Variants in MCPH1 observed in about 807,000 individuals in gnomAD.
MCPH1 encodes microcephalin.
MCPH1 carries 104 observed loss-of-function variants against 84.5 expected under a neutral mutation model. The ratio of observed to expected loss-of-function variants is 1.23; its 90% confidence interval spans 1.05 to 1.45. The LOEUF (loss-of-function observed/expected upper bound fraction) is 1.45, where lower values mean the gene tolerates loss of function less well. Ranked by LOEUF, MCPH1 falls within the 40% of genes most tolerant of loss-of-function variation. MCPH1 has a pLI of 0.00. For missense variants in MCPH1, 1,498 were observed against 1,005.7 expected, an observed-to-expected ratio of 1.49 and a Z score of -6.62; for synonymous variants, 514 against 366.8, an observed-to-expected ratio of 1.40 and a Z score of -4.58.
At chr8:6,536,913 A>AT (rs1554440240) in intron 12 of MCPH1, among the ~76,000 whole-genome samples, 1 of 151,732 alleles carries the variant, frequency 6.6e-6, no homozygotes, top group Non-Finnish European at 1.5e-5. Context: ...ACCCAGAAAT[A>AT]TAGAAACCTG....
chr8:6,456,536 G>A (rs1805698289), intron 9 of MCPH1, among the ~76,000 whole-genome samples: 1 of 152,160 alleles, frequency 6.6e-6, no homozygotes, highest in African/African-American at 2.4e-5. Context: ...GCGTCGCATG[G>A]CACCACAGCT....
chr8:6,447,480 G>C (rs958232312), intron 8 of MCPH1: 4 of 919,034 alleles, frequency 4.4e-6, no homozygotes, highest in East Asian at 1.2e-4. Flanking sequence ...TCAAAAACAA[G>C]TTACAAAGAG....
intron 12 of MCPH1, among the ~76,000 whole-genome samples, chr8:6,600,903 G>A (rs538537066): frequency 5.9e-5 from 9 of 152,140 alleles, no homozygotes; most frequent in Non-Finnish European, 1.3e-4. Flanking sequence ...CCCAGGAGAC[G>A]GGAGCATGGT....
intron 13 of MCPH1, among the ~76,000 whole-genome samples, chr8:6,628,607 G>C (rs563178652): frequency 2.3e-4 from 35 of 152,236 alleles, no homozygotes; most frequent in African/African-American, 7.5e-4. Flanking sequence ...AAATGTGGTG[G>C]TTGGTTTGAG....
intron 12 of MCPH1, among the ~76,000 whole-genome samples, chr8:6,586,899 ATTCCC>A (rs1828028544): frequency 6.6e-6 from 1 of 152,162 alleles, no homozygotes; most frequent in Admixed American, 6.5e-5. Context: ...CTGACTTAGA[ATTCCC>A]TGTGCTGCTT....
At chr8:6,417,364 A>G (rs1022954916) in intron 3 of MCPH1, among the ~76,000 whole-genome samples, 1 of 150,674 alleles carries the variant, frequency 6.6e-6, no homozygotes, top group Non-Finnish European at 1.5e-5. Context: ...GCGTAATAGA[A>G]AATAAGTAAA....
intron 12 of MCPH1, among the ~76,000 whole-genome samples, chr8:6,522,698 C>G (rs371571240): frequency 2.6e-5 from 4 of 151,154 alleles, no homozygotes; most frequent in Non-Finnish European, 5.9e-5. Context: ...TGCTTGAACC[C>G]GGGAGGTGGA....
At chr8:6,476,427 C>T (rs1469269603) in intron 9 of MCPH1, among the ~76,000 whole-genome samples, 1 of 115,198 alleles carries the variant, frequency 8.7e-6, no homozygotes, top group Non-Finnish European at 1.8e-5. Flanking sequence ...AAAACTCCAT[C>T]TCAAAAAAAA....
intron 12 of MCPH1, among the ~76,000 whole-genome samples, chr8:6,578,605 A>G (rs2129576895): frequency 6.6e-6 from 1 of 152,352 alleles, no homozygotes; most frequent in East Asian, 1.9e-4. Context: ...AAATGCTAGT[A>G]TTTTGGAGAA....
At chr8:6,605,101 C>G (rs933689801) in intron 12 of MCPH1, among the ~76,000 whole-genome samples, 1 of 152,178 alleles carries the variant, frequency 6.6e-6, no homozygotes, top group African/African-American at 2.4e-5. Context: ...CTCAGTGGTC[C>G]TGGTCCCACA....
At chr8:6,638,605 T>A (rs749241043) in intron 13 of MCPH1, among the ~76,000 whole-genome samples, 1 of 151,722 alleles carries the variant, frequency 6.6e-6, no homozygotes, top group Non-Finnish European at 1.5e-5. Context: ...ATTTTTTTTT[T>A]AATTTAAATT....
intron 12 of MCPH1, among the ~76,000 whole-genome samples, chr8:6,606,895 G>A (rs1015678762): frequency 1.3e-5 from 2 of 152,214 alleles, no homozygotes; most frequent in Non-Finnish European, 2.9e-5. Context: ...GCCACCATGT[G>A]AGATGTGCCT....
intron 9 of MCPH1, among the ~76,000 whole-genome samples, chr8:6,472,612 GC>G (rs1336517856): frequency 1.3e-5 from 2 of 151,882 alleles, no homozygotes; most frequent in African/African-American, 4.8e-5. Context: ...GATTACAGGT[GC>G]CTGCCACCAT....
At chr8:6,565,342 T>TG (rs150460646) in intron 12 of MCPH1, among the ~76,000 whole-genome samples, 10,124 of 152,304 alleles carry the variant, frequency 0.066, 968 homozygotes, top group African/African-American at 0.21. Context: ...GCAGTGGCAG[T>TG]GGCATAGGGT....
chr8:6,603,073 C>T (rs1042646146), intron 12 of MCPH1, among the ~76,000 whole-genome samples: 3 of 151,974 alleles, frequency 2.0e-5, no homozygotes, highest in African/African-American at 4.8e-5. Context: ...CTCCCCCAAA[C>T]ACTAGTTTTC....
rs114204403 is a variant in MCPH1, at chr8:6,637,703, G to C, written c.2453-5291G>C. Among the ~76,000 whole-genome samples the C allele has an allele frequency of 8.9e-3, 1,349 of 152,200 alleles. 16 individuals carry two copies. The highest frequency in any genetic ancestry group is 0.031 in the African/African-American group (1,276 of 41,498). On this transcript the variant is annotated intron_variant, in intron 13 of 13. Transcript: ENST00000344683. ...ATACAGAGTCTCCCAATGTTGCCCA[G>C]GCTGGTTTTGAACTCCTGGGCTCAA...
intron 9 of MCPH1, among the ~76,000 whole-genome samples, chr8:6,473,657 T>C (rs17077056): frequency 0.14 from 20,576 of 152,190 alleles, 1,481 homozygotes; most frequent in Middle Eastern, 0.24. Flanking sequence ...AATGCTATAT[T>C]TGTTGTATTT....
At chr8:6,439,757 T>A (rs549535987) in intron 6 of MCPH1, among the ~76,000 whole-genome samples, 12 of 152,328 alleles carry the variant, frequency 7.9e-5, no homozygotes, top group African/African-American at 2.9e-4. Flanking sequence ...AAGGAATCAG[T>A]TTGTTTTTCA....
At chr8:6,603,746 A>G (rs1829545432) in intron 12 of MCPH1, among the ~76,000 whole-genome samples, 1 of 152,172 alleles carries the variant, frequency 6.6e-6, no homozygotes, top group African/African-American at 2.4e-5. Flanking sequence ...AGAGGATCCA[A>G]ACTGGGACTT....
Sources: allele counts gnomAD v4.1 joint callset (sites outside exome capture counted in the v4.1 genomes callset), GRCh38; gene constraint gnomAD v4.1.1; transcripts MANE v1.5; gene names NCBI Gene and HGNC (gene_info 2026-07-23, HGNC 2026-07-21).